The following DLX1 variants were observed in gnomAD, a reference collection of about 807,000 sequenced individuals.
DLX1 encodes distal-less homeobox 1, also known as homeobox protein DLX-1.
Under a neutral mutation model 25.0 loss-of-function variants are expected in DLX1, and 7 were observed. That is an observed-to-expected ratio of 0.28 (90% confidence interval 0.16 to 0.52). The LOEUF (loss-of-function observed/expected upper bound fraction) is 0.52, where lower values mean the gene tolerates loss of function less well. DLX1 is among the 20% of genes least tolerant of loss of function. DLX1 has a pLI of 0.96. For synonymous variants in DLX1, 155 were observed against 140.3 expected (o/e 1.10, Z -0.74); for missense variants, 233 against 334.4 (o/e 0.70, Z 2.37).
chr2:172,087,914 C>T, intron 2 of DLX1, 89 bp from the exon 3 acceptor site: 1 of 1,497,702 alleles, frequency 6.7e-7, no homozygotes, highest in East Asian at 2.3e-5. Context: ...GGTCCTATCT[C>T]TGCTGTTCTG....
At chr2:172,086,975 G>A (rs771355626) in intron 2 of DLX1, 122 bp downstream of exon 2, 1 of 987,628 alleles carries the variant, frequency 1.0e-6, no homozygotes. Flanking sequence ...ATGTGTTTGT[G>A]TCCACCCCTG....
chr2:172,089,361 T>C lies in DLX1; in HGVS notation c.*1104T>C, dbSNP rs1468797753. On this transcript the variant is annotated 3_prime_UTR_variant, in exon 3 of 3. Coordinates refer to ENST00000361725, the MANE Select transcript of DLX1 (RefSeq NM_178120.5). The stretch of plus-strand genomic sequence containing the variant: ...GCACAATCTCCAGTGCAGGATCTAA[T>C]GACTGTACATATTATTGTTATTATT... The C allele has an allele frequency of 6.6e-6, 1 of 152,608 alleles. No individual in the cohort carries two copies. The highest frequency in any genetic ancestry group is 1.5e-5 in the Non-Finnish European group (1 of 68,046). The allele number at this position is 152,608 out of a possible 1,614,324, so 9.5% of individuals were successfully genotyped here.
In DLX1 at chr2:172,088,471, CAG is replaced by C; in HGVS notation, c.*219_*220del. On this transcript the variant is annotated 3_prime_UTR_variant, in exon 3 of 3. Coordinates refer to ENST00000361725, the MANE Select transcript of DLX1 (RefSeq NM_178120.5). ...CCTGGCCTGGGCCGAGCAGTGGCAGCAGAGAGTGGCCTCGGAGGGAAGCCACT... is the reference window on the plus strand; with the variant it reads ...CCTGGCCTGGGCCGAGCAGTGGCAGCAGAGTGGCCTCGGAGGGAAGCCACT... 1 of 516,336 alleles carries C rather than the reference CAG, an allele frequency of 1.9e-6. No individual in the cohort carries two copies. The highest frequency in any genetic ancestry group is 3.0e-6 in the Non-Finnish European group (1 of 333,590). 32.0% of individuals were successfully genotyped at this position (516,336 alleles called of 1,614,324 possible).
chr2:172,088,461 G>A lies in DLX1; in HGVS notation c.*204G>A, dbSNP rs375887391. On this transcript the variant is annotated 3_prime_UTR_variant, in exon 3 of 3. Coordinates refer to ENST00000361725, the MANE Select transcript of DLX1 (RefSeq NM_178120.5). The stretch of plus-strand genomic sequence containing the variant: ...TAGCCTGAACCCTGGCCTGGGCCGA[G>A]CAGTGGCAGCAGAGAGTGGCCTCGG... 1.8e-6 allele frequency: 1 copy of A among 560,734 alleles called. No individual in the cohort carries two copies. 34.7% of individuals were successfully genotyped at this position (560,734 alleles called of 1,614,324 possible). A position where few individuals can be genotyped will look rare whatever the true frequency, so the allele number is the denominator to read the frequency against.
chr2:172,086,947 C>T, intron 2 of DLX1, 94 bp downstream of exon 2: 1 of 1,286,874 alleles, frequency 7.8e-7, no homozygotes, highest in Non-Finnish European at 1.1e-6. Context: ...GACTCAGGGT[C>T]GGGGTGTCAC....
In DLX1 at chr2:172,086,215, T is replaced by G. The variant is rs1282723133; in HGVS notation, c.313+225T>G. The G allele has an allele frequency of 6.9e-6, 4 of 579,250 alleles. No individual in the cohort carries two copies. In the South Asian group the frequency reaches 7.2e-5, roughly 10 times the overall value. The allele number at this position is 579,250 out of a possible 1,614,324, so 35.9% of individuals were successfully genotyped here. On this transcript the variant is annotated intron_variant, in intron 1 of 2. Coordinates refer to ENST00000361725, the MANE Select transcript of DLX1 (RefSeq NM_178120.5). ...TAAAAATTCCCTCAATTTGCAACTA[T>G]CCAGCCAAGGATAAATCCCAGAGCG...
chr2:172,087,896 G>A, intron 2 of DLX1, 107 bp from the exon 3 acceptor site: 9 of 1,435,892 alleles, frequency 6.3e-6, no homozygotes, highest in African/African-American at 2.9e-5. Context: ...GCTGGCGCAG[G>A]GTTGGGAGGT....
At chr2:172,087,771 T>C (rs1690871981) in intron 2 of DLX1, among the ~76,000 whole-genome samples, 1 of 149,654 alleles carries the variant, frequency 6.7e-6, no homozygotes, top group African/African-American at 2.5e-5. Context: ...CCTGGCTCTC[T>C]GAGAGCTGCC....
In DLX1 at chr2:172,085,804, C is replaced by A; in HGVS notation, c.127C>A (p.His43Asn). 6.2e-7 allele frequency: 1 copy of A among 1,614,230 alleles called. No individual in the cohort carries two copies. Among genetic ancestry groups the A allele is most frequent in the Non-Finnish European group, 8.5e-7 (1 of 1,180,052 alleles). The stretch of plus-strand genomic sequence containing the variant: ...CATGTCCCACGGGCACTACTCCATG[C>A]ACTGTTTACACTCGGCGGGCCATTC... ...SPMSHGHYSM[H>N]CLHSAGHSQP... Residue 43 changes from histidine (H) to asparagine (N), a missense_variant, in exon 1 of 3, where the codon CAC becomes AAC. By Grantham distance (68) the His-to-Asn change is moderately conservative. Transcript: ENST00000361725. The surrounding 1 kb of genome is among the most constrained non-coding windows in gnomAD (Gnocchi z 4.3).
In DLX1 at chr2:172,089,016, G is replaced by A. The variant is rs1303700639; in HGVS notation, c.*759G>A. On this transcript the variant is annotated 3_prime_UTR_variant, in exon 3 of 3. Coordinates refer to ENST00000361725, the MANE Select transcript of DLX1 (RefSeq NM_178120.5). ...AGTAACTTTTGTACTTCTCTGGTATGGAGAGTTTGGAGCCGAATGATTTGC... is the reference window on the plus strand; with the variant it reads ...AGTAACTTTTGTACTTCTCTGGTATAGAGAGTTTGGAGCCGAATGATTTGC... The A allele has an allele frequency of 6.6e-6, 1 of 152,222 alleles. No homozygotes were observed. Among genetic ancestry groups the A allele is most frequent in the African/African-American group, 2.4e-5 (1 of 41,456 alleles). The allele number at this position is 152,222 out of a possible 1,614,324, so 9.4% of individuals were successfully genotyped here. A position where few individuals can be genotyped will look rare whatever the true frequency, so the allele number is the denominator to read the frequency against.
Position 172,087,733 on chromosome 2 carries a change from C to T in DLX1, c.514-270C>T, listed in dbSNP as rs370998544. On this transcript the variant is annotated intron_variant, in intron 2 of 2. Coordinates refer to ENST00000361725, the MANE Select transcript of DLX1 (RefSeq NM_178120.5). ...GCCCCTGGCAGGCTAAGGCCTGGAT[C>T]CCGGTTCTCCCCTCATCACAACTCC... Among the ~76,000 whole-genome samples, 7 of 151,852 alleles carry T rather than the reference C, an allele frequency of 4.6e-5. No homozygotes were observed. In the East Asian group the frequency reaches 1.4e-3, roughly 30 times the overall value.
chr2:172,087,265 T>C (rs1335747267), intron 2 of DLX1: 15 of 388,696 alleles, frequency 3.9e-5, no homozygotes, highest in South Asian at 2.2e-4. Flanking sequence ...TCCTCCTCCT[T>C]CTTACCGGTT....
Position 172,088,193 on chromosome 2 carries a change from C to A in DLX1, c.704C>A (p.Pro235His). 6.2e-7 allele frequency: 1 copy of A among 1,607,652 alleles called. No homozygotes were observed. Among genetic ancestry groups the A allele is most frequent in the African/African-American group, 1.3e-5 (1 of 74,656 alleles). The change falls in exon 3 of 3, where the codon CCC (proline) becomes CAC (histidine). Residue 235 changes from proline to histidine, a missense_variant. By Grantham distance (77) the Pro-to-His change is moderately conservative. Transcript: ENST00000361725. ...GGAGGAAACGCGGGCTCCTATATCC[C>A]CAGCTACACATCGTGGTACCCTTCA... ...GSGGNAGSYI[P>H]SYTSWYPSAH...
In DLX1 at chr2:172,088,597, A is replaced by G. The variant is rs1690909147; in HGVS notation, c.*340A>G. On this transcript the variant is annotated 3_prime_UTR_variant, in exon 3 of 3. Transcript: ENST00000361725. Reference sequence around the variant, plus strand: ...ATCAGGAAAAAACAAAACAAAAACAAAATGTAGAAAAAGCAAAAGCTCTTT... The same window carrying G: ...ATCAGGAAAAAACAAAACAAAAACAGAATGTAGAAAAAGCAAAAGCTCTTT... 1 of 258,786 alleles carries G rather than the reference A, an allele frequency of 3.9e-6. No homozygotes were observed. Among genetic ancestry groups the G allele is most frequent in the East Asian group, 6.8e-5 (1 of 14,736 alleles). The allele number at this position is 258,786 out of a possible 1,614,324, so 16.0% of individuals were successfully genotyped here.
In DLX1 at chr2:172,085,541, A is replaced by G; in HGVS notation, c.-137A>G. 1 of 913,174 alleles carries G rather than the reference A, an allele frequency of 1.1e-6. No individual in the cohort carries two copies. Among genetic ancestry groups the G allele is most frequent in the Non-Finnish European group, 1.7e-6 (1 of 604,208 alleles). The allele number at this position is 913,174 out of a possible 1,614,324, so 56.6% of individuals were successfully genotyped here. ...ATGCTTAGACTTTTCAAAGAGACAA[A>G]CTCCATTTTCTTATGAATGGAAAGT... is the stretch of plus-strand genomic sequence containing the variant. On this transcript the variant is annotated 5_prime_UTR_variant, in exon 1 of 3. Transcript: ENST00000361725. The surrounding 1 kb of genome is among the most constrained non-coding windows in gnomAD (Gnocchi z 4.3).
rs1690937395 is a variant in DLX1, at chr2:172,089,631, G to C, written c.*1374G>C. The C allele has an allele frequency of 6.6e-6, 1 of 152,600 alleles. No homozygotes were observed. Among genetic ancestry groups the C allele is most frequent in the Non-Finnish European group, 1.5e-5 (1 of 68,044 alleles). 9.5% of individuals were successfully genotyped at this position (152,600 alleles called of 1,614,324 possible). ...CTTGGGAAAAAAACTTTGTAAATAA[G>C]TTATAAAGTTTCTTTGAGACAGTAA... On this transcript the variant is annotated 3_prime_UTR_variant, in exon 3 of 3. Coordinates refer to ENST00000361725, the MANE Select transcript of DLX1 (RefSeq NM_178120.5).
Position 172,088,205 on chromosome 2 carries a change from C to G in DLX1, c.716C>G (p.Ser239Trp). 6.3e-7 allele frequency: 1 copy of G among 1,596,218 alleles called. No individual in the cohort carries two copies. Among genetic ancestry groups the G allele is most frequent in the Non-Finnish European group, 8.5e-7 (1 of 1,171,034 alleles). The change falls in exon 3 of 3, where the codon TCG (serine) becomes TGG (tryptophan). Residue 239 changes from serine to tryptophan, a missense_variant. This residue lies in a region of DLX1 where 84 missense variants were observed against 81.8 expected (regional missense o/e 1.03). Coordinates refer to ENST00000361725, the MANE Select transcript of DLX1 (RefSeq NM_178120.5). The stretch of plus-strand genomic sequence containing the variant: ...GGCTCCTATATCCCCAGCTACACAT[C>G]GTGGTACCCTTCAGCGCACCAAGAA... ...NAGSYIPSYT[S>W]WYPSAHQEAM...
chr2:172,086,572 C>T (rs1023464706), intron 1 of DLX1, 82 bp from the exon 2 acceptor site: 2 of 1,355,202 alleles, frequency 1.5e-6, no homozygotes, highest in Non-Finnish European at 2.0e-6. Flanking sequence ...CGCCACCCTT[C>T]GGTAGCCACT....
chr2:172,085,511 G>A lies in DLX1; in HGVS notation c.-167G>A. ...TGAACCGAGTTTGGGGAGCTCAGCA[G>A]CATCATGCTTAGACTTTTCAAAGAG... On this transcript the variant is annotated 5_prime_UTR_variant, in exon 1 of 3. Coordinates refer to ENST00000361725, the MANE Select transcript of DLX1 (RefSeq NM_178120.5). This position sits in a 1 kb window ranked among gnomAD's most constrained non-coding sequence, Gnocchi z 4.3. 1 of 688,122 alleles carries A rather than the reference G, an allele frequency of 1.5e-6. No homozygotes were observed. Among genetic ancestry groups the A allele is most frequent in the South Asian group, 1.9e-5 (1 of 51,650 alleles). 42.6% of individuals were successfully genotyped at this position (688,122 alleles called of 1,614,324 possible).
Sources: allele counts gnomAD v4.1 joint callset (sites outside exome capture counted in the v4.1 genomes callset), GRCh38; gene constraint gnomAD v4.1.1; regional missense constraint gnomAD v4.1.1; non-coding constraint Gnocchi (gnomAD v3.1); transcripts MANE v1.5; gene names NCBI Gene and HGNC (gene_info 2026-07-23, HGNC 2026-07-21).